PRDM1: variants seen among roughly 807,000 people sequenced by gnomAD.
The protein encoded by PRDM1 is PR/SET domain 1.
PRDM1 carries 13 observed loss-of-function variants against 62.8 expected under a neutral mutation model. The ratio of observed to expected loss-of-function variants is 0.21; its 90% CI spans 0.13 to 0.33. The LOEUF (loss-of-function observed/expected upper bound fraction) is 0.33. PRDM1 is among the 10% of genes least tolerant of loss of function. The pLI, the probability that PRDM1 is intolerant of heterozygous loss-of-function variation, is 1.00. For missense variants in PRDM1, 895 were observed against 1,058.8 expected, an observed-to-expected ratio of 0.85 and a Z score of 2.15; for synonymous variants, 396 against 417.6, an observed-to-expected ratio of 0.95 and a Z score of 0.63.
intron 1 of PRDM1, among the ~76,000 whole-genome samples, chr6:106,021,156 A>G (rs917988449): frequency 1.3e-5 from 2 of 152,260 alleles, no homozygotes; most frequent in African/African-American, 4.8e-5. Flanking sequence ...AGACTGTGTA[A>G]TCTGATGCCA....
At chr6:106,092,286 G>T (rs1363450016) in intron 2 of PRDM1, among the ~76,000 whole-genome samples, 1 of 152,182 alleles carries the variant, frequency 6.6e-6, no homozygotes, top group African/African-American at 2.4e-5. Flanking sequence ...ACTGTGGACG[G>T]CGGGGTGTGT....
intron 1 of PRDM1, among the ~76,000 whole-genome samples, chr6:106,019,576 C>A (rs1772667756): frequency 6.6e-6 from 1 of 151,376 alleles, no homozygotes; most frequent in African/African-American, 2.4e-5. Flanking sequence ...TGGATATCAA[C>A]CCCTAATTAA....
chr6:106,030,996 C>CTT (rs11343130), intron 1 of PRDM1, among the ~76,000 whole-genome samples: 3 of 135,314 alleles, frequency 2.2e-5, no homozygotes, highest in Non-Finnish European at 3.2e-5. Context: ...TGTATTCTCT[C>CTT]TTTTTTTTTT....
intron 1 of PRDM1, among the ~76,000 whole-genome samples, chr6:106,012,176 T>TAC (rs1181457393): frequency 4.1e-5 from 3 of 74,074 alleles, no homozygotes; most frequent in South Asian, 1.0e-3. Flanking sequence ...CACACCACAC[T>TAC]ACACACACAC....
intron 1 of PRDM1, among the ~76,000 whole-genome samples, chr6:106,050,992 T>G (rs1408261386): frequency 1.3e-5 from 2 of 152,176 alleles, no homozygotes; most frequent in Non-Finnish European, 2.9e-5. Context: ...ATCCAGAAAA[T>G]CTTTATGCCT....
At chr6:106,087,937 CTTTT>C in intron 1 of PRDM1, 1 of 198,254 alleles carries the variant, frequency 5.0e-6, no homozygotes, top group African/African-American at 3.3e-5. Context: ...AGAGGTGATT[CTTTT>C]TTTTTTTTTC....
chr6:106,025,342 AT>A (rs1772750171), intron 1 of PRDM1, among the ~76,000 whole-genome samples: 1 of 152,250 alleles, frequency 6.6e-6, no homozygotes, highest in African/African-American at 2.4e-5. Flanking sequence ...GACATAATCC[AT>A]AGTACAAAAT....
chr6:106,063,713 AG>A lies in PRDM1; in HGVS notation c.-67+15000del, dbSNP rs1773383550. On this transcript the variant is annotated intron_variant, in intron 1 of 6. Transcript: ENST00000651185. ...ATCATTTGTTAGCTTGAGATTAAAA[AG>A]ATGGGGCAAGGAGAACAGCTGACAT... Among the ~76,000 whole-genome samples the A allele has an allele frequency of 2.0e-5, 3 of 152,358 alleles. No individual in the cohort carries two copies. The South Asian group carries it at 6.2e-4, about 32-fold the overall frequency.
chr6:106,021,784 CT>C (rs936720243), intron 1 of PRDM1, among the ~76,000 whole-genome samples: 7 of 152,182 alleles, frequency 4.6e-5, no homozygotes, highest in African/African-American at 1.7e-4. Context: ...CCACGCCCGG[CT>C]AATTTTGTAT....
At chr6:106,048,273 G>A (rs950443905), upstream of PRDM1, among the ~76,000 whole-genome samples, 2 of 150,954 alleles carry the variant, frequency 1.3e-5, no homozygotes, top group African/African-American at 4.9e-5. Context: ...CATAGTCCTA[G>A]CTACTCAGGT....
chr6:106,035,253 G>T (rs1223594837), intron 1 of PRDM1, among the ~76,000 whole-genome samples: 1 of 152,112 alleles, frequency 6.6e-6, no homozygotes, highest in Non-Finnish European at 1.5e-5. Context: ...GTTTGTAATT[G>T]TTACATCTTA....
chr6:106,104,790 C>A (rs200287817), intron 4 of PRDM1, 35 bp from the exon 5 acceptor site: 5 of 1,582,142 alleles, frequency 3.2e-6, no homozygotes, highest in South Asian at 1.2e-5. Context: ...TTCTCTCTAG[C>A]CCTCTGTGTA....
intron 1 of PRDM1, among the ~76,000 whole-genome samples, chr6:106,017,369 A>G (rs1772634607): frequency 6.6e-6 from 1 of 152,234 alleles, no homozygotes; most frequent in African/African-American, 2.4e-5. Flanking sequence ...TCCATTTTCT[A>G]AACACAACAT....
At chr6:106,095,908 ATG>A in intron 3 of PRDM1, 174 bp downstream of exon 3, 2 of 684,838 alleles carry the variant, frequency 2.9e-6, no homozygotes, top group Non-Finnish European at 4.8e-6. Context: ...AACCGATGAA[ATG>A]TCTGGCCTGT....
rs60217130 is a variant in PRDM1 at position 106,107,677 on chromosome 6, C to CATATATATATATATATAT, written c.*196_*213dup. The CATATATATATATATATAT allele has an allele frequency of 4.6e-4, 92 of 198,988 alleles. No homozygotes were observed. Among genetic ancestry groups the CATATATATATATATATAT allele is most frequent in the East Asian group, 3.2e-3 (38 of 11,712 alleles). The allele number at this position is 198,988 out of a possible 1,614,324, so 12.3% of individuals were successfully genotyped here. ...CTCAGGGCATGAACAAGGCAAAGGC[C>CATATATATATATATATAT]ATATATATATATATATATATATCTG... On this transcript the variant is annotated 3_prime_UTR_variant, in exon 7 of 7. Transcript: ENST00000369096.
At chr6:105,998,236 G>A (rs1282302754) in intron 1 of PRDM1, among the ~76,000 whole-genome samples, 5 of 151,894 alleles carry the variant, frequency 3.3e-5, no homozygotes, top group South Asian at 2.1e-4. Flanking sequence ...AAATATTAAC[G>A]TTTTTTCAAT....
intron 1 of PRDM1, among the ~76,000 whole-genome samples, chr6:106,075,955 AT>A (rs529520354): frequency 0.19 from 28,259 of 146,048 alleles, 3,224 homozygotes; most frequent in African/African-American, 0.34. Flanking sequence ...AAAAAAAAAA[AT>A]TTTTTTTTTT....
intron 1 of PRDM1, among the ~76,000 whole-genome samples, chr6:106,008,711 G>A (rs1251796947): frequency 6.6e-6 from 1 of 152,174 alleles, no homozygotes; most frequent in African/African-American, 2.4e-5. Flanking sequence ...CCCCTTACTG[G>A]AAGTAAAGGC....
chr6:106,091,018 A>G (rs1159223094), intron 2 of PRDM1, among the ~76,000 whole-genome samples: 3 of 152,244 alleles, frequency 2.0e-5, no homozygotes, highest in Admixed American at 6.5e-5. Flanking sequence ...ACTGAAATCA[A>G]ATATAGACCT....
Sources: gnomAD v4.1 joint callset for allele counts (sites outside exome capture counted in the v4.1 genomes callset) on GRCh38, gnomAD v4.1.1 for gene constraint, MANE v1.5 for transcripts, NCBI Gene and HGNC (gene_info 2026-07-23, HGNC 2026-07-21) for gene names.